DCAF8L2: variants seen among roughly 807,000 people sequenced by gnomAD.
DCAF8L2 encodes the protein DDB1- and CUL4-associated factor 8-like protein 2.
For missense variants in DCAF8L2, 430 were observed against 490.7 expected (o/e 0.88, Z 1.17); for synonymous variants, 200 against 190.9 (o/e 1.05, Z -0.39).
the DCAF8L2 span, among the ~76,000 whole-genome samples, chrX:27,582,436 A>C: frequency 2.7e-5 from 3 of 110,813 alleles, no homozygotes; most frequent in African/African-American, 9.9e-5. Context: ...AATGTCTGGC[A>C]GTTCTTCAGT....
At chrX:27,544,993 A>T in the DCAF8L2 span, among the ~76,000 whole-genome samples, 12 of 112,392 alleles carry the variant, frequency 1.1e-4, no homozygotes, top group South Asian at 4.5e-3. Flanking sequence ...TATTAGGTCT[A>T]GAGTTTAAAA....
chrX:27,560,671 C>T, the DCAF8L2 span, among the ~76,000 whole-genome samples: 1 of 112,268 alleles, frequency 8.9e-6, no homozygotes, highest in African/African-American at 3.2e-5. Flanking sequence ...CTCTAATTCA[C>T]GATCAGTAGT....
chrX:27,525,022 G>T, the DCAF8L2 span, among the ~76,000 whole-genome samples: 1 of 112,120 alleles, frequency 8.9e-6, no homozygotes, highest in Non-Finnish European at 1.9e-5. Flanking sequence ...TTGGGGTGGA[G>T]AGTTCTGTAG....
chrX:27,491,914 T>C, the DCAF8L2 span, among the ~76,000 whole-genome samples: 1 of 112,472 alleles, frequency 8.9e-6, no homozygotes, highest in East Asian at 2.8e-4. Flanking sequence ...TTCAACTTTA[T>C]TGAAATACAA....
chrX:27,707,318 A>G (rs1408119054), intron 3 of DCAF8L2, among the ~76,000 whole-genome samples: 5 of 111,915 alleles, frequency 4.5e-5, no homozygotes, highest in Non-Finnish European at 5.6e-5. Context: ...AATAATGTGC[A>G]TATTGTAGTT....
chrX:27,512,779 C>CAAAAAGAA, the DCAF8L2 span, among the ~76,000 whole-genome samples: 1 of 18,550 alleles, frequency 5.4e-5, no homozygotes, highest in Non-Finnish European at 8.7e-5. Flanking sequence ...CAATCTTGAG[C>CAAAAAGAA]AAAAAAAAAA....
At chrX:27,514,477 G>A in the DCAF8L2 span, among the ~76,000 whole-genome samples, 1 of 106,431 alleles carries the variant, frequency 9.4e-6, no homozygotes, top group Non-Finnish European at 1.9e-5. Flanking sequence ...AGACCATCCC[G>A]GCTAAAACGG....
intron 1 of DCAF8L2, among the ~76,000 whole-genome samples, chrX:27,619,336 G>A (rs1431544819): frequency 1.8e-5 from 2 of 110,541 alleles, no homozygotes; most frequent in Admixed American, 9.8e-5. Context: ...TATAAGTGAG[G>A]CCTCATCCAG....
chrX:27,635,421 G>C (rs999460840), intron 2 of DCAF8L2, among the ~76,000 whole-genome samples: 7 of 111,638 alleles, frequency 6.3e-5, no homozygotes, highest in Non-Finnish European at 1.3e-4. Context: ...TAGCTGTGTT[G>C]ATAGTAATCA....
chrX:27,677,849 A>G lies in DCAF8L2; in HGVS notation c.-206A>G, dbSNP rs1156353449. 1 of 111,941 alleles carries G rather than the reference A, an allele frequency of 8.9e-6. No individual in the cohort carries two copies. Among genetic ancestry groups the G allele is most frequent in the African/African-American group, 3.2e-5 (1 of 30,826 alleles). 9.2% of individuals were successfully genotyped at this position (111,941 alleles called of 1,213,427 possible). A position where few individuals can be genotyped will look rare whatever the true frequency, so the allele number is the denominator to read the frequency against. On this transcript the variant is annotated 5_prime_UTR_variant, in exon 3 of 5. Transcript: ENST00000451261. ...CTGCTTTTGCAGATGTGTTTTCTTAATTGAAGAAAATCATATCACATGTGA... is the reference window on the plus strand; with the variant it reads ...CTGCTTTTGCAGATGTGTTTTCTTAGTTGAAGAAAATCATATCACATGTGA...
rs7058719 is a variant in DCAF8L2, at chrX:27,730,904, G to A, written c.-59+14733G>A. 5.3e-3 allele frequency among the ~76,000 whole-genome samples: 592 copies of A among 111,043 alleles called. 5 individuals carry two copies. The highest frequency in any genetic ancestry group is 0.016 in the African/African-American group (497 of 30,539). The stretch of plus-strand genomic sequence containing the variant: ...TTCATTTCATTGACTTTAGCCTAGC[G>A]TCAGAGATAGAGCTCCCAATTTCGT... On this transcript the variant is annotated intron_variant, in intron 4 of 4. Coordinates refer to ENST00000451261, the MANE Select transcript of DCAF8L2 (RefSeq NM_001353450.2).
chrX:27,544,277 A>G, the DCAF8L2 span, among the ~76,000 whole-genome samples: 9 of 111,536 alleles, frequency 8.1e-5, no homozygotes, highest in Non-Finnish European at 1.3e-4. Flanking sequence ...TAGAAAAGCA[A>G]CTATCTGGCC....
intron 1 of DCAF8L2, 149 bp from the exon 2 acceptor site, chrX:27,631,730 T>G (rs1182178711): frequency 8.9e-6 from 1 of 112,204 alleles, no homozygotes; most frequent in Non-Finnish European, 1.9e-5. Context: ...CTAATCAGAA[T>G]AGCTGACTTA....
chrX:27,517,457 C>T, the DCAF8L2 span, among the ~76,000 whole-genome samples: 2 of 107,849 alleles, frequency 1.9e-5, no homozygotes, highest in Non-Finnish European at 3.8e-5. Flanking sequence ...ACCACACATA[C>T]GCATTTGTCA....
chrX:27,739,916 AGAGAAAG>A (rs1921753714), intron 4 of DCAF8L2, among the ~76,000 whole-genome samples: 1 of 111,302 alleles, frequency 9.0e-6, no homozygotes. Flanking sequence ...GCAGGAGAGC[AGAGAAAG>A]GAGAATAAAT....
chrX:27,619,011 CT>C (rs201266288), intron 1 of DCAF8L2, among the ~76,000 whole-genome samples: 1,057 of 75,008 alleles, frequency 0.014, 9 homozygotes, highest in Non-Finnish European at 0.022. Flanking sequence ...TCTAATCTAT[CT>C]ATCTATCTAT....
intron 1 of DCAF8L2, among the ~76,000 whole-genome samples, chrX:27,600,604 C>T (rs1926595900): frequency 8.9e-6 from 1 of 111,932 alleles, no homozygotes; most frequent in Admixed American, 9.5e-5. Context: ...CATAAAGAAA[C>T]TTTCTAGAAA....
At chrX:27,476,016 T>G in the DCAF8L2 span, among the ~76,000 whole-genome samples, 1 of 110,941 alleles carries the variant, frequency 9.0e-6, no homozygotes, top group African/African-American at 3.3e-5. Flanking sequence ...CCTAAACATA[T>G]CAGGGAAGTC....
chrX:27,649,992 AGG>A (rs1258403584), intron 2 of DCAF8L2, among the ~76,000 whole-genome samples: 1 of 111,622 alleles, frequency 9.0e-6, no homozygotes, highest in African/African-American at 3.3e-5. Context: ...GGCAAAAGGT[AGG>A]GGTCCAGTTT....
Sources: gnomAD v4.1 joint callset for allele counts (sites outside exome capture counted in the v4.1 genomes callset) on GRCh38, gnomAD v4.1.1 for gene constraint, MANE v1.5 for transcripts, NCBI Gene and HGNC (gene_info 2026-07-23, HGNC 2026-07-21) for gene names.